Variants in ARB2A observed in about 807,000 individuals in gnomAD.
ARB2A encodes cotranscriptional regulator ARB2A.
At chr5:93,627,961 A>G in the ARB2A span, among the ~76,000 whole-genome samples, 6 of 152,028 alleles carry the variant, frequency 3.9e-5, no homozygotes, top group East Asian at 1.2e-3. Context: ...GTGGGCTTAC[A>G]GTATTCACTA....
chr5:94,050,876 G>A, the ARB2A span: 2 of 1,281,184 alleles, frequency 1.6e-6, no homozygotes, highest in Non-Finnish European at 2.2e-6. Flanking sequence ...AAAGTATATT[G>A]ACAATAATAT....
the ARB2A span, among the ~76,000 whole-genome samples, chr5:93,802,918 AC>A: frequency 5.6e-3 from 859 of 152,094 alleles, 7 homozygotes; most frequent in African/African-American, 0.02. Context: ...AACAACAAAA[AC>A]CCCCTTCTTA....
the ARB2A span, among the ~76,000 whole-genome samples, chr5:93,820,348 G>A: frequency 2.6e-5 from 4 of 151,992 alleles, no homozygotes; most frequent in African/African-American, 7.2e-5. Context: ...CAAACTGATC[G>A]CCTGGAAAGA....
At chr5:93,798,356 C>T in the ARB2A span, among the ~76,000 whole-genome samples, 1 of 152,102 alleles carries the variant, frequency 6.6e-6, no homozygotes, top group African/African-American at 2.4e-5. Flanking sequence ...AAACTCACTG[C>T]TGAATTTTCC....
chr5:93,688,218 C>A, the ARB2A span, among the ~76,000 whole-genome samples: 4 of 152,216 alleles, frequency 2.6e-5, no homozygotes, highest in African/African-American at 9.6e-5. Context: ...AGGTGATCCA[C>A]CTGCCTCGGC....
chr5:93,898,848 T>C, the ARB2A span, among the ~76,000 whole-genome samples: 1 of 152,124 alleles, frequency 6.6e-6, no homozygotes, highest in Non-Finnish European at 1.5e-5. Flanking sequence ...TTGCTTACCA[T>C]GTGACATGTA....
chr5:94,008,922 T>C, the ARB2A span, among the ~76,000 whole-genome samples: 1 of 152,132 alleles, frequency 6.6e-6, no homozygotes, highest in Non-Finnish European at 1.5e-5. Context: ...AATATATAAT[T>C]CATTTCTTGG....
At chr5:93,691,649 A>C in the ARB2A span, among the ~76,000 whole-genome samples, 7 of 152,294 alleles carry the variant, frequency 4.6e-5, no homozygotes, top group Non-Finnish European at 7.3e-5. Context: ...AAGACAGGCC[A>C]ACATTCAAAT....
the ARB2A span, among the ~76,000 whole-genome samples, chr5:93,913,623 T>A: frequency 6.6e-6 from 1 of 151,956 alleles, no homozygotes; most frequent in African/African-American, 2.4e-5. Context: ...GCACTAACCA[T>A]ATCCTAAGTT....
chr5:93,825,553 G>A, the ARB2A span, among the ~76,000 whole-genome samples: 1 of 152,126 alleles, frequency 6.6e-6, no homozygotes, highest in African/African-American at 2.4e-5. Context: ...TCTGACAGGT[G>A]CTCTTTTCAA....
At chr5:93,911,966 T>G in the ARB2A span, among the ~76,000 whole-genome samples, 2 of 151,758 alleles carry the variant, frequency 1.3e-5, no homozygotes, top group African/African-American at 2.4e-5. Context: ...ACTTTTGTAG[T>G]TGACACAGAA....
the ARB2A span, among the ~76,000 whole-genome samples, chr5:93,904,789 G>C: frequency 1.3e-5 from 2 of 151,624 alleles, no homozygotes; most frequent in Non-Finnish European, 1.5e-5. Flanking sequence ...TCTTATAAGA[G>C]ATTCTGAACT....
chr5:93,853,736 C>T, the ARB2A span, among the ~76,000 whole-genome samples: 3 of 152,068 alleles, frequency 2.0e-5, no homozygotes, highest in Non-Finnish European at 2.9e-5. Context: ...TTGTCTTTGG[C>T]TCTGTTTATA....
chr5:93,741,574 G>A, the ARB2A span: 2 of 1,514,160 alleles, frequency 1.3e-6, no homozygotes, highest in Admixed American at 4.4e-5. Flanking sequence ...GGGTGGAATG[G>A]CACCCGCAGC....
the ARB2A span, among the ~76,000 whole-genome samples, chr5:93,883,912 T>TAC: frequency 7.7e-5 from 6 of 77,606 alleles, no homozygotes; most frequent in Admixed American, 1.5e-4. Context: ...CATACACACA[T>TAC]ACACATACAC....
chr5:93,932,535 A>AT, the ARB2A span, among the ~76,000 whole-genome samples: 1 of 152,214 alleles, frequency 6.6e-6, no homozygotes, highest in African/African-American at 2.4e-5. Context: ...CATTAAGTAT[A>AT]TATCTATGCA....
chr5:93,742,209 C>T, the ARB2A span, among the ~76,000 whole-genome samples: 1 of 152,086 alleles, frequency 6.6e-6, no homozygotes, highest in Admixed American at 6.5e-5. Flanking sequence ...AACTTTGTAA[C>T]TAATTCCATG....
the ARB2A span, among the ~76,000 whole-genome samples, chr5:93,681,269 A>G: frequency 6.6e-6 from 1 of 152,214 alleles, no homozygotes; most frequent in Non-Finnish European, 1.5e-5. Context: ...CGTCCTACAC[A>G]TGCACTGGCA....
At chr5:93,811,299 C>G in the ARB2A span, among the ~76,000 whole-genome samples, 2 of 152,050 alleles carry the variant, frequency 1.3e-5, no homozygotes, top group Non-Finnish European at 2.9e-5. Flanking sequence ...TCCAGAGCAC[C>G]ACATCAAAAC....
Sources: allele counts gnomAD v4.1 joint callset (sites outside exome capture counted in the v4.1 genomes callset), GRCh38; gene constraint gnomAD v4.1.1; transcripts MANE v1.5; gene names NCBI Gene and HGNC (gene_info 2026-07-23, HGNC 2026-07-21).